The following AKT3 variants were observed in gnomAD, a reference collection of about 807,000 sequenced individuals.
The protein encoded by AKT3 is AKT serine/threonine kinase 3.
Under a neutral mutation model 65.3 loss-of-function variants are expected in AKT3, and 15 were observed. The observed-to-expected ratio is 0.23, with a 90% CI of 0.15 to 0.35. The LOEUF (loss-of-function observed/expected upper bound fraction) is 0.35. Among genes scored for constraint, AKT3 ranks in the 10% least tolerant of loss-of-function variants. The pLI is 1.00. For synonymous variants in AKT3, 206 were observed against 183.8 expected (o/e 1.12, Z -0.98); for missense variants, 243 against 576.5 (o/e 0.42, Z 5.92).
At chr1:243,576,265 C>T (rs1400995578) in intron 8 of AKT3, among the ~76,000 whole-genome samples, 1 of 152,032 alleles carries the variant, frequency 6.6e-6, no homozygotes, top group Non-Finnish European at 1.5e-5. Context: ...TATGACAAAC[C>T]CACAGCAAAT....
intron 2 of AKT3, among the ~76,000 whole-genome samples, chr1:243,784,261 G>A (rs183079033): frequency 6.6e-6 from 1 of 152,072 alleles, no homozygotes; most frequent in Admixed American, 6.6e-5. Context: ...CCTGACATGA[G>A]AACAAACATA....
At chr1:243,685,628 G>A (rs1684235498) in intron 3 of AKT3, among the ~76,000 whole-genome samples, 2 of 152,068 alleles carry the variant, frequency 1.3e-5, no homozygotes, top group African/African-American at 4.8e-5. Flanking sequence ...CTCCAGCTTT[G>A]TTCTTTTGGC....
At chr1:243,849,386 A>ACACCCCCCC (rs1695655591) in intron 1 of AKT3, among the ~76,000 whole-genome samples, 1 of 107,020 alleles carries the variant, frequency 9.3e-6, no homozygotes, top group African/African-American at 3.9e-5. Flanking sequence ...CCACACACAC[A>ACACCCCCCC]CCCCCCCCCC....
At chr1:243,528,810 G>T (rs1057288046) in intron 12 of AKT3, among the ~76,000 whole-genome samples, 1 of 152,122 alleles carries the variant, frequency 6.6e-6, no homozygotes, top group African/African-American at 2.4e-5. Flanking sequence ...TATGGCAGAA[G>T]AATTTACATT....
chr1:243,791,080 G>A (rs960638324), intron 2 of AKT3, among the ~76,000 whole-genome samples: 9 of 152,268 alleles, frequency 5.9e-5, no homozygotes, highest in East Asian at 5.8e-4. Context: ...AGACTGGCTC[G>A]ACTCAAGGTT....
At chr1:243,552,619 T>C (rs1673160113) in intron 11 of AKT3, 110 bp downstream of exon 11, 2 of 992,628 alleles carry the variant, frequency 2.0e-6, no homozygotes, top group Non-Finnish European at 3.1e-6. Context: ...TGGGAAGATG[T>C]CTACACCAAA....
intron 11 of AKT3, among the ~76,000 whole-genome samples, chr1:243,547,830 C>T (rs1273245493): frequency 2.0e-5 from 3 of 152,182 alleles, no homozygotes; most frequent in African/African-American, 4.8e-5. Flanking sequence ...TAATTCCCAC[C>T]AGCTGGGTCT....
intron 2 of AKT3, among the ~76,000 whole-genome samples, chr1:243,771,819 T>A (rs367570303): frequency 3.3e-5 from 5 of 152,122 alleles, no homozygotes; most frequent in African/African-American, 1.2e-4. Flanking sequence ...CAAAACAGCA[T>A]GGTACTGGTA....
chr1:243,659,056 G>A (rs1184346242), intron 4 of AKT3, among the ~76,000 whole-genome samples: 2 of 151,714 alleles, frequency 1.3e-5, no homozygotes, highest in Non-Finnish European at 2.9e-5. Context: ...AGGCAATTGT[G>A]TTATATACAT....
chr1:243,841,221 T>C (rs1390345090), intron 2 of AKT3, among the ~76,000 whole-genome samples: 1 of 152,120 alleles, frequency 6.6e-6, no homozygotes, highest in African/African-American at 2.4e-5. Flanking sequence ...CTTTCTATTA[T>C]GGTATTTCAA....
Position 243,563,860 on chromosome 1 carries a change from G to C in AKT3, c.820-12C>G, listed in dbSNP as rs1558618010. ...ATTAGATTCTCCAACTGTGTATTAA[G>C]AAAAATGACATAATTTGTTCTATAG... is the stretch of plus-strand genomic sequence containing the variant. On this transcript the variant is annotated splice_polypyrimidine_tract_variant and intron_variant, in intron 9 of 13. Coordinates refer to ENST00000673466, the MANE Select transcript of AKT3 (RefSeq NM_005465.7). 2.5e-6 allele frequency: 4 copies of C among 1,596,658 alleles called. No individual in the cohort carries two copies. Among genetic ancestry groups the C allele is most frequent in the Middle Eastern group, 1.7e-4 (1 of 5,960 alleles).
intron 2 of AKT3, among the ~76,000 whole-genome samples, chr1:243,813,337 C>G (rs944341232): frequency 2.0e-5 from 3 of 151,906 alleles, no homozygotes; most frequent in Non-Finnish European, 4.4e-5. Flanking sequence ...ATTCACAAAA[C>G]AAGTGATATA....
chr1:243,735,568 C>A (rs189696853), intron 2 of AKT3: 1 of 152,334 alleles, frequency 6.6e-6, no homozygotes, highest in Non-Finnish European at 1.5e-5. Flanking sequence ...CCTCTCATAA[C>A]ATTTTCCACC....
chr1:243,527,916 C>CTTA (rs1671250611), intron 12 of AKT3, among the ~76,000 whole-genome samples: 1 of 97,372 alleles, frequency 1.0e-5, no homozygotes, highest in African/African-American at 4.8e-5. Context: ...CACACACACA[C>CTTA]ACACACACAC....
intron 2 of AKT3, among the ~76,000 whole-genome samples, chr1:243,791,874 A>G (rs1191356783): frequency 6.6e-6 from 1 of 152,264 alleles, no homozygotes. Context: ...AGTGTTATGC[A>G]CTTAAAAGGA....
intron 12 of AKT3, among the ~76,000 whole-genome samples, chr1:243,527,946 G>C (rs1008280712): frequency 2.8e-4 from 41 of 148,398 alleles, no homozygotes; most frequent in African/African-American, 9.8e-4. Flanking sequence ...CAGAGAGAGA[G>C]AGAGAGAGAG....
chr1:243,524,037 G>A (rs1670890601), intron 12 of AKT3, among the ~76,000 whole-genome samples: 1 of 152,178 alleles, frequency 6.6e-6, no homozygotes, highest in African/African-American at 2.4e-5. Flanking sequence ...AGGCCATATG[G>A]GATGGCCTAC....
At chr1:243,710,406 A>C (rs1464414699) in intron 2 of AKT3, among the ~76,000 whole-genome samples, 1 of 152,228 alleles carries the variant, frequency 6.6e-6, no homozygotes. Flanking sequence ...GCCATTAAAC[A>C]TTAAAATATC....
chr1:243,769,079 T>C (rs1690011485), intron 2 of AKT3, among the ~76,000 whole-genome samples: 1 of 152,180 alleles, frequency 6.6e-6, no homozygotes, highest in Non-Finnish European at 1.5e-5. Flanking sequence ...GGATATTTCA[T>C]ATTAATGAAT....
Sources: allele counts gnomAD v4.1 joint callset (sites outside exome capture counted in the v4.1 genomes callset), GRCh38; gene constraint gnomAD v4.1.1; transcripts MANE v1.5; gene names NCBI Gene and HGNC (gene_info 2026-07-23, HGNC 2026-07-21).